CBFA2T2: variants seen among roughly 807,000 people sequenced by gnomAD.
CBFA2T2 encodes the protein CBFA2/RUNX1 partner transcriptional co-repressor 2.
CBFA2T2 carries 11 observed loss-of-function variants against 62.2 expected under a neutral mutation model. That is an observed-to-expected ratio of 0.18 (90% CI 0.11 to 0.29). CBFA2T2 has a LOEUF of 0.29. Among genes scored for constraint, CBFA2T2 ranks in the 10% least tolerant of loss-of-function variants. CBFA2T2 has a pLI of 1.00. For missense variants in CBFA2T2, 592 were observed against 774.1 expected (o/e 0.76, Z 2.79); for synonymous variants, 295 against 287.5 (o/e 1.03, Z -0.27).
At chr20:33,551,255 C>T (rs1270740582) in intron 1 of CBFA2T2, among the ~76,000 whole-genome samples, 3 of 145,922 alleles carry the variant, frequency 2.1e-5, no homozygotes, top group Admixed American at 6.9e-5. Flanking sequence ...TCGCTGTTGT[C>T]GCCCAGGCTG....
chr20:33,624,820 G>A lies in CBFA2T2; in HGVS notation c.749G>A (p.Arg250Lys). 6.2e-7 allele frequency: 1 copy of A among 1,614,186 alleles called. No individual in the cohort carries two copies. Among genetic ancestry groups the A allele is most frequent in the Non-Finnish European group, 8.5e-7 (1 of 1,180,024 alleles). ...DTIAPEPPAKRVCTISPAPRH... is the reference protein window; with the variant it reads ...DTIAPEPPAKKVCTISPAPRH... ...ATTGCTCCTGAGCCTCCTGCCAAGA[G>A]AGTATGTACCATCAGCCCTGCTCCT... is the stretch of plus-strand genomic sequence containing the variant. The change falls in exon 6 of 11, where the codon AGA becomes AAA. Residue 250 changes from arginine to lysine, a missense_variant. Around this residue, in one of 3 missense-constraint regions of CBFA2T2, gnomAD observed 449 missense variants for 551.2 expected, o/e 0.81. Coordinates refer to ENST00000342704, the MANE Select transcript of CBFA2T2 (RefSeq NM_001032999.3).
chr20:33,624,951 C>T lies in CBFA2T2; in HGVS notation c.880C>T (p.His294Tyr). Reference protein sequence around the residue: ...HYTLEDIATSHLYREPNKMLE... With the variant: ...HYTLEDIATSYLYREPNKMLE... ...CACCTTAGAGGATATTGCAACTTCT[C>T]ACCTGTATCGGGAACCCAACAAGAT... The change falls in exon 6 of 11, where the codon CAC (histidine) becomes TAC (tyrosine). Residue 294 changes from histidine (H) to tyrosine (Y), a missense_variant. His to Tyr is a moderately conservative substitution (Grantham distance 83, BLOSUM62 2). Coordinates refer to ENST00000342704, the MANE Select transcript of CBFA2T2 (RefSeq NM_001032999.3). 4 of 1,614,134 alleles carry T rather than the reference C, an allele frequency of 2.5e-6. No individual in the cohort carries two copies. Among genetic ancestry groups the T allele is most frequent in the African/African-American group, 1.3e-5 (1 of 75,042 alleles).
chr20:33,606,600 C>T (rs1486967923), intron 1 of CBFA2T2, among the ~76,000 whole-genome samples: 4 of 152,086 alleles, frequency 2.6e-5, no homozygotes, highest in Non-Finnish European at 5.9e-5. Context: ...CTGCCTCTGT[C>T]GCCACTTGGT....
chr20:33,611,871 G>C (rs1473314164), intron 3 of CBFA2T2, among the ~76,000 whole-genome samples: 1 of 152,146 alleles, frequency 6.6e-6, no homozygotes, highest in East Asian at 1.9e-4. Context: ...ATTTAAGGTG[G>C]TGATTTAATT....
intron 5 of CBFA2T2, chr20:33,624,093 A>G (rs959486819): frequency 2.7e-5 from 14 of 523,014 alleles, no homozygotes; most frequent in Admixed American, 7.4e-5. Context: ...ATATTTGCCA[A>G]TGACTCACCT....
intron 1 of CBFA2T2, among the ~76,000 whole-genome samples, chr20:33,514,785 C>T (rs2011572195): frequency 6.6e-6 from 1 of 151,928 alleles, no homozygotes; most frequent in African/African-American, 2.4e-5. Context: ...CAACCTCCGC[C>T]TCCTAGGTTC....
At chr20:33,492,698 A>T (rs2011157030) in intron 1 of CBFA2T2, among the ~76,000 whole-genome samples, 2 of 151,726 alleles carry the variant, frequency 1.3e-5, no homozygotes, top group Non-Finnish European at 2.9e-5. Context: ...TTTTGTAGAG[A>T]TGGGGTCTTG....
intron 1 of CBFA2T2, among the ~76,000 whole-genome samples, chr20:33,596,542 C>T (rs190988604): frequency 1.2e-3 from 179 of 152,170 alleles, no homozygotes; most frequent in African/African-American, 4.1e-3. Flanking sequence ...CCCCTTATTT[C>T]CTTGGCTTTT....
At chr20:33,536,426 G>A (rs1481162742) in intron 1 of CBFA2T2, among the ~76,000 whole-genome samples, 2 of 149,706 alleles carry the variant, frequency 1.3e-5, no homozygotes, top group African/African-American at 2.5e-5. Context: ...CGGGCGGGGG[G>A]CTGACCCCCC....
intron 1 of CBFA2T2, among the ~76,000 whole-genome samples, chr20:33,534,864 T>C (rs908177346): frequency 8.2e-5 from 12 of 146,192 alleles, no homozygotes; most frequent in Middle Eastern, 7.2e-3. Flanking sequence ...AATAGTAATA[T>C]CAAAGATCAC....
At chr20:33,490,416 G>T in intron 1 of CBFA2T2, 115 bp downstream of exon 1, 1 of 1,041,382 alleles carries the variant, frequency 9.6e-7, no homozygotes, top group Non-Finnish European at 1.2e-6. Flanking sequence ...ACTGAGGCCC[G>T]AAGCGGGGCG....
chr20:33,525,880 C>T (rs187994861), intron 1 of CBFA2T2, among the ~76,000 whole-genome samples: 71 of 152,246 alleles, frequency 4.7e-4, no homozygotes, highest in Middle Eastern at 3.4e-3. Context: ...ACTCAAACTC[C>T]TGAGCTCAAG....
intron 1 of CBFA2T2, among the ~76,000 whole-genome samples, chr20:33,601,142 C>T (rs1281186104): frequency 6.6e-6 from 1 of 152,184 alleles, no homozygotes; most frequent in Non-Finnish European, 1.5e-5. Flanking sequence ...CCGCTCCCTT[C>T]TGTTAGTCTA....
intron 1 of CBFA2T2, among the ~76,000 whole-genome samples, chr20:33,555,721 G>C (rs530077410): frequency 6.6e-5 from 10 of 152,264 alleles, no homozygotes; most frequent in Admixed American, 6.5e-4. Flanking sequence ...CTATTAACCT[G>C]ATTCACAGAC....
At chr20:33,537,733 AC>A (rs1366334451) in intron 1 of CBFA2T2, among the ~76,000 whole-genome samples, 1 of 152,126 alleles carries the variant, frequency 6.6e-6, no homozygotes, top group Non-Finnish European at 1.5e-5. Flanking sequence ...CTGTTTTAGT[AC>A]CAGTTGTTGA....
chr20:33,543,747 G>T (rs1413117625), intron 1 of CBFA2T2, among the ~76,000 whole-genome samples: 1 of 152,078 alleles, frequency 6.6e-6, no homozygotes, highest in Non-Finnish European at 1.5e-5. Flanking sequence ...GCATTTGGAG[G>T]TTTTTCATTG....
At chr20:33,566,226 G>A (rs147725425) in intron 1 of CBFA2T2, among the ~76,000 whole-genome samples, 16 of 152,198 alleles carry the variant, frequency 1.1e-4, no homozygotes, top group African/African-American at 2.9e-4. Flanking sequence ...CCCATTTTAC[G>A]AATGTTATTT....
At chr20:33,528,062 G>C (rs989575534) in intron 1 of CBFA2T2, among the ~76,000 whole-genome samples, 2 of 151,986 alleles carry the variant, frequency 1.3e-5, no homozygotes, top group African/African-American at 4.8e-5. Context: ...TAGAGACAAG[G>C]CCTCACTCCA....
At chr20:33,598,560 G>A (rs2014988499) in intron 1 of CBFA2T2, among the ~76,000 whole-genome samples, 1 of 152,002 alleles carries the variant, frequency 6.6e-6, no homozygotes, top group Non-Finnish European at 1.5e-5. Flanking sequence ...TTTTCAAGGT[G>A]CCCACATTTC....
Sources: allele counts gnomAD v4.1 joint callset (sites outside exome capture counted in the v4.1 genomes callset), GRCh38; gene constraint gnomAD v4.1.1; regional missense constraint gnomAD v4.1.1; transcripts MANE v1.5; gene names NCBI Gene and HGNC (gene_info 2026-07-23, HGNC 2026-07-21).